Variants in ZNF701 observed in about 807,000 individuals in gnomAD.
ZNF701 encodes the protein zinc finger protein 701.
ZNF701 carries 6 observed loss-of-function variants against 7.1 expected under a neutral mutation model. That is an observed-to-expected ratio of 0.84 (90% CI 0.46 to 1.66). The LOEUF (loss-of-function observed/expected upper bound fraction) is 1.66. Ranked by LOEUF, ZNF701 falls within the 40% of genes most tolerant of loss-of-function variation. The pLI is 0.01. For synonymous variants in ZNF701, 166 were observed against 188.2 expected (o/e 0.88, Z 0.97); for missense variants, 541 against 559.2 (o/e 0.97, Z 0.33).
intron 2 of ZNF701, among the ~76,000 whole-genome samples, chr19:52,575,058 C>G (rs2059924367): frequency 6.6e-6 from 1 of 152,230 alleles, no homozygotes; most frequent in Non-Finnish European, 1.5e-5. Context: ...GAAGCTCCGC[C>G]TCCCAGGTTT....
rs2059982253 is a variant in ZNF701 at position 52,582,557 on chromosome 19, G to A, written c.498G>A (p.Lys166=). Residue 166 remains lysine, a synonymous_variant, in exon 4 of 4, where the codon AAG becomes AAA. Transcript: ENST00000391785. ...PEGKIGNQVE[K]AINDAFSVSA... ...GGAAAATTGGTAATCAAGTTGAGAA[G>A]GCTATCAACGATGCTTTCTCAGTTT... The A allele has an allele frequency of 6.2e-7, 1 of 1,614,146 alleles. No homozygotes were observed. The highest frequency in any genetic ancestry group is 1.1e-5 in the South Asian group (1 of 91,082).
chr19:52,588,985 T>C (rs1317599491), downstream of ZNF701, among the ~76,000 whole-genome samples: 1 of 152,194 alleles, frequency 6.6e-6, no homozygotes, highest in Non-Finnish European at 1.5e-5. Flanking sequence ...TCATGTAATC[T>C]CCTTGACGGT....
At chr19:52,593,657 C>G in the ZNF701 span, among the ~76,000 whole-genome samples, 2 of 110,176 alleles carry the variant, frequency 1.8e-5, 1 homozygote, top group Admixed American at 1.9e-4. Flanking sequence ...GGCTGCCGGG[C>G]GGAGGGGCTT....
chr19:52,594,783 G>T, the ZNF701 span, among the ~76,000 whole-genome samples: 1 of 152,092 alleles, frequency 6.6e-6, no homozygotes, highest in African/African-American at 2.4e-5. Flanking sequence ...AAAGTGCTGG[G>T]ATTACAGGCA....
the ZNF701 span, among the ~76,000 whole-genome samples, chr19:52,592,504 G>A: frequency 6.6e-5 from 10 of 152,342 alleles, no homozygotes; most frequent in Middle Eastern, 3.4e-3. Flanking sequence ...TGGAGGCCCT[G>A]AGCGGAATTG....
rs1448895698 is a variant in ZNF701, at chr19:52,584,450, CTT to C, written c.*996_*997del. On this transcript the variant is annotated 3_prime_UTR_variant, in exon 4 of 4. Coordinates refer to ENST00000391785, the MANE Select transcript of ZNF701 (RefSeq NM_018260.3). Reference sequence around the variant, plus strand: ...CAGCCTGGCCAACAGACGTGAGTCACTTTTCCCAGCCTGCTTTTTGTTTCTTT... The same window carrying C: ...CAGCCTGGCCAACAGACGTGAGTCACTTCCCAGCCTGCTTTTTGTTTCTTT... 4 of 152,906 alleles carry C rather than the reference CTT, an allele frequency of 2.6e-5. No individual in the cohort carries two copies. The highest frequency in any genetic ancestry group is 9.7e-5 in the African/African-American group (4 of 41,446). The allele number at this position is 152,906 out of a possible 1,614,324, so 9.5% of individuals were successfully genotyped here.
rs1423234147 is a variant in ZNF701, at chr19:52,582,866, T to A, written c.807T>A (p.Pro269=). ...ATAGATGTCACACTGGTGAGAATCC[T>A]TACACGTGTAATGAGTGTGGCAAGA... ...ACHRCHTGEN[P]YTCNECGKTF... is the part of the protein sequence containing the mutation. The change falls in exon 4 of 4, where the codon CCT becomes CCA. Residue 269 remains proline, a synonymous_variant. Transcript: ENST00000391785. 2 of 1,613,052 alleles carry A rather than the reference T, an allele frequency of 1.2e-6. No homozygotes were observed. The highest frequency in any genetic ancestry group is 2.7e-5 in the African/African-American group (2 of 74,926).
At chr19:52,596,795 T>G in the ZNF701 span, 1 of 535,882 alleles carries the variant, frequency 1.9e-6, no homozygotes. Flanking sequence ...ATGTAATGAA[T>G]GTGGCAAGGT....
At chr19:52,591,988 T>A, downstream of ZNF701, 3 of 545,084 alleles carry the variant, frequency 5.5e-6, no homozygotes, top group Non-Finnish European at 9.8e-6. Flanking sequence ...AATGCGGCTT[T>A]GTCAGAACAC....
rs1979399 is a variant in ZNF701, at chr19:52,586,458, T to A, written c.*3001T>A. 1 of 151,982 alleles carries A rather than the reference T, an allele frequency of 6.6e-6. No individual in the cohort carries two copies. The highest frequency in any genetic ancestry group is 2.4e-5 in the African/African-American group (1 of 41,330). 9.4% of individuals were successfully genotyped at this position (151,982 alleles called of 1,614,324 possible). A position where few individuals can be genotyped will look rare whatever the true frequency, so the allele number is the denominator to read the frequency against. On this transcript the variant is annotated 3_prime_UTR_variant, in exon 4 of 4. Transcript: ENST00000391785. ...CTATCCAGGAGACGGGTTTCACCAT[T>A]TTGCCAGGTTTGTCTCAAACTCCTC...
At position 52,580,425 on chromosome 19, in the gene ZNF701, C is replaced by T. The variant is rs1347463400; in HGVS notation, c.143-1777C>T. On this transcript the variant is annotated intron_variant, in intron 3 of 3. Coordinates refer to ENST00000391785, the MANE Select transcript of ZNF701 (RefSeq NM_018260.3). ...TATTTTTAGTAGATATGGGGTTGCA[C>T]CATGTTGGCCAGGCTGGTGTCGAAC... 2.0e-5 allele frequency among the ~76,000 whole-genome samples: 3 copies of T among 151,942 alleles called. No homozygotes were observed. The East Asian group carries it at 5.8e-4, about 29-fold the overall frequency.
the ZNF701 span, among the ~76,000 whole-genome samples, chr19:52,592,670 A>G: frequency 5.1e-4 from 77 of 152,184 alleles, no homozygotes; most frequent in African/African-American, 1.8e-3. Flanking sequence ...GCTCATTGCA[A>G]CCTCCACCTT....
intron 3 of ZNF701, among the ~76,000 whole-genome samples, chr19:52,579,188 G>A (rs1289286070): frequency 7.0e-6 from 1 of 143,606 alleles, no homozygotes; most frequent in Non-Finnish European, 1.5e-5. Flanking sequence ...AAGTTCTAGA[G>A]GAGAAGTAGT....
chr19:52,570,550 G>A (rs1294575335), intron 1 of ZNF701: 1 of 152,244 alleles, frequency 6.6e-6, no homozygotes, highest in African/African-American at 2.4e-5. Context: ...ACAGGGCGCT[G>A]TATACACTTC....
At chr19:52,577,981 G>A (rs558525766) in intron 3 of ZNF701, among the ~76,000 whole-genome samples, 14 of 152,174 alleles carry the variant, frequency 9.2e-5, no homozygotes, top group African/African-American at 2.4e-4. Flanking sequence ...AGAGCCGGGC[G>A]CAGTGGCTCT....
downstream of ZNF701, among the ~76,000 whole-genome samples, chr19:52,590,217 C>T (rs528104108): frequency 6.6e-6 from 1 of 151,886 alleles, no homozygotes; most frequent in South Asian, 2.1e-4. Flanking sequence ...TCTCCTGCCT[C>T]AGCCTCTAGA....
At chr19:52,571,068 G>A (rs1223039342) in intron 1 of ZNF701, among the ~76,000 whole-genome samples, 1 of 151,018 alleles carries the variant, frequency 6.6e-6, no homozygotes, top group Non-Finnish European at 1.5e-5. Flanking sequence ...CAAAGTAGAG[G>A]ATGGGTGAGG....
the ZNF701 span, chr19:52,596,609 A>G: frequency 4.8e-6 from 2 of 416,332 alleles, no homozygotes; most frequent in East Asian, 6.2e-5. Context: ...CTGGAGGGAA[A>G]TCTTACAAAT....
At chr19:52,580,462 T>A (rs2059968335) in intron 3 of ZNF701, among the ~76,000 whole-genome samples, 1 of 151,994 alleles carries the variant, frequency 6.6e-6, no homozygotes, top group South Asian at 2.1e-4. Flanking sequence ...TCTGACCTCA[T>A]GATTCACCTG....
Sources: allele counts gnomAD v4.1 joint callset (sites outside exome capture counted in the v4.1 genomes callset), GRCh38; gene constraint gnomAD v4.1.1; transcripts MANE v1.5; gene names NCBI Gene and HGNC (gene_info 2026-07-23, HGNC 2026-07-21).